The following EFCAB6 variants were observed in gnomAD, a reference collection of about 807,000 sequenced individuals.
EFCAB6 encodes the protein EF-hand calcium binding domain 6, also known as EF-hand calcium-binding domain-containing protein 6.
A neutral mutation model predicts 169.8 loss-of-function variants in EFCAB6; 156 were observed. The observed-to-expected ratio is 0.92, with a 90% confidence interval of 0.81 to 1.05. The LOEUF (loss-of-function observed/expected upper bound fraction) is 1.05, where lower values mean the gene tolerates loss of function less well. EFCAB6 is among the 50% of genes least tolerant of loss of function. The pLI is 0.00. For synonymous variants in EFCAB6, 698 were observed against 676.4 expected (o/e 1.03, Z -0.50); for missense variants, 1,800 against 1,829.1 (o/e 0.98, Z 0.29).
intron 20 of EFCAB6, among the ~76,000 whole-genome samples, chr22:43,620,358 A>G (rs2054035109): frequency 6.6e-6 from 1 of 152,058 alleles, no homozygotes; most frequent in African/African-American, 2.4e-5. Flanking sequence ...GAAGCCTGGG[A>G]AAAAAGGCAT....
In EFCAB6 at chr22:43,530,905, T is replaced by G. The variant is rs1006935458; in HGVS notation, c.4293A>C (p.Lys1431Asn). ...GCATTGGCCTCCAGCAGTGCACAAT[T>G]TTGGGCTGAATACGCAGCAGAGCAG... Reference protein sequence around the residue: ...FYSALLRIQPKIVHCWRPMRR... With the variant: ...FYSALLRIQPNIVHCWRPMRR... Residue 1431 changes from lysine (K) to asparagine (N), a missense_variant, in exon 31 of 32, where the codon AAA (lysine) becomes AAC (asparagine). Coordinates refer to ENST00000262726, the MANE Select transcript of EFCAB6 (RefSeq NM_022785.4). 1.2e-5 allele frequency: 19 copies of G among 1,614,078 alleles called. No homozygotes were observed. The highest frequency in any genetic ancestry group is 1.5e-5 in the Non-Finnish European group (18 of 1,180,050).
rs773067975 is a variant in EFCAB6 at position 43,600,056 on chromosome 22, C to T, written c.2876+13G>A. The stretch of plus-strand genomic sequence containing the variant: ...ACTTCTAGATGATGGCCCCGTGATC[C>T]TTCCTCACTCACCTGGCTGCCACAG... On this transcript the variant is annotated intron_variant, in intron 23 of 31. Coordinates refer to ENST00000262726, the MANE Select transcript of EFCAB6 (RefSeq NM_022785.4). 6.2e-7 allele frequency: 1 copy of T among 1,611,034 alleles called. No homozygotes were observed. Among genetic ancestry groups the T allele is most frequent in the Admixed American group, 1.7e-5 (1 of 59,656 alleles).
chr22:43,810,127 C>A (rs1457783079), intron 1 of EFCAB6, among the ~76,000 whole-genome samples: 1 of 152,144 alleles, frequency 6.6e-6, no homozygotes, highest in Non-Finnish European at 1.5e-5. Flanking sequence ...GATCCTCCTG[C>A]CTCAGCCTCC....
At chr22:43,789,551 G>A (rs2062199408) in intron 2 of EFCAB6, among the ~76,000 whole-genome samples, 3 of 152,184 alleles carry the variant, frequency 2.0e-5, no homozygotes, top group Admixed American at 1.3e-4. Context: ...CTTACCATCA[G>A]CCAGGCTCAC....
At position 43,540,376 on chromosome 22, in the gene EFCAB6, T is replaced by C; in HGVS notation, c.3649-19A>G. ...TGTCAAACTGGAGAAGGAGCAGAAG[T>C]CATTTCCCAGGTGTCAGTGCAAACA... On this transcript the variant is annotated intron_variant, in intron 27 of 31. Transcript: ENST00000262726. 1.2e-6 allele frequency: 2 copies of C among 1,613,522 alleles called. No homozygotes were observed.
chr22:43,738,282 A>G (rs1178884874), intron 6 of EFCAB6, among the ~76,000 whole-genome samples: 1 of 151,606 alleles, frequency 6.6e-6, no homozygotes, highest in Non-Finnish European at 1.5e-5. Context: ...ATATACACAC[A>G]CACCTGCATA....
intron 17 of EFCAB6, among the ~76,000 whole-genome samples, chr22:43,658,544 T>A (rs1004807944): frequency 6.6e-6 from 1 of 152,162 alleles, no homozygotes; most frequent in African/African-American, 2.4e-5. Flanking sequence ...ACTTTCGTGG[T>A]ACGCAGGGGA....
At chr22:43,576,207 T>A (rs915356369) in intron 26 of EFCAB6, 90 bp downstream of exon 26, 1 of 1,141,112 alleles carries the variant, frequency 8.8e-7, no homozygotes, top group East Asian at 2.7e-5. Flanking sequence ...TGCCAATTTA[T>A]CTGATATGGT....
intron 19 of EFCAB6, among the ~76,000 whole-genome samples, chr22:43,631,724 G>T (rs900225717): frequency 2.0e-5 from 3 of 152,104 alleles, no homozygotes; most frequent in Non-Finnish European, 4.4e-5. Flanking sequence ...ATTTAGCACA[G>T]ATTCTAGCAC....
chr22:43,794,687 A>G (rs2062433844), intron 2 of EFCAB6, among the ~76,000 whole-genome samples: 1 of 152,198 alleles, frequency 6.6e-6, no homozygotes, highest in South Asian at 2.1e-4. Flanking sequence ...AAAGCAAGCC[A>G]TCTACATACA....
intron 22 of EFCAB6, among the ~76,000 whole-genome samples, chr22:43,603,986 G>C (rs743796): frequency 0.23 from 34,234 of 152,032 alleles, 5,209 homozygotes; most frequent in East Asian, 0.62. Context: ...GTTCTCATGA[G>C]ATCTGAAGGT....
In EFCAB6 at chr22:43,687,453, T is replaced by TTG. The variant is rs1556074025; in HGVS notation, c.1142+17_1142+18insCA. On this transcript the variant is annotated intron_variant, in intron 11 of 31. Coordinates refer to ENST00000262726, the MANE Select transcript of EFCAB6 (RefSeq NM_022785.4). Reference sequence around the variant, plus strand: ...ATATGTGTAACTAAAATTTGTTTTTTTTTTTTTTTTTACATACCTATTTCT... The same window carrying TTG: ...ATATGTGTAACTAAAATTTGTTTTTTTGTTTTTTTTTTTACATACCTATTTCT... 10 of 1,375,240 alleles carry TTG rather than the reference T, an allele frequency of 7.3e-6. No individual in the cohort carries two copies. Among genetic ancestry groups the TTG allele is most frequent in the Non-Finnish European group, 9.9e-6 (10 of 1,010,754 alleles). 85.2% of individuals were successfully genotyped at this position (1,375,240 alleles called of 1,614,324 possible). A position where few individuals can be genotyped will look rare whatever the true frequency, so the allele number is the denominator to read the frequency against.
rs545216174 is a variant in EFCAB6 at position 43,783,244 on chromosome 22, C to T, written c.-7-919G>A. On this transcript the variant is annotated intron_variant, in intron 2 of 31. Coordinates refer to ENST00000262726, the MANE Select transcript of EFCAB6 (RefSeq NM_022785.4). Reference sequence around the variant, plus strand: ...CATGGCTACCTGAATAGGTGGATAACGGGGCAAATAATAGGCAACCAAAAA... The same window carrying T: ...CATGGCTACCTGAATAGGTGGATAATGGGGCAAATAATAGGCAACCAAAAA... Among the ~76,000 whole-genome samples, 118 of 152,200 alleles carry T rather than the reference C, an allele frequency of 7.8e-4. 2 individuals are homozygous for T. In the South Asian group the frequency reaches 0.023, roughly 29 times the overall value.
chr22:43,583,227 T>C (rs985638119), intron 24 of EFCAB6, among the ~76,000 whole-genome samples: 2 of 151,900 alleles, frequency 1.3e-5, no homozygotes, highest in African/African-American at 4.8e-5. Context: ...TCATACCATC[T>C]ATTCATCTTA....
chr22:43,626,343 C>G, intron 20 of EFCAB6, 104 bp downstream of exon 20: 1 of 1,113,610 alleles, frequency 9.0e-7, no homozygotes, highest in African/African-American at 1.6e-5. Flanking sequence ...AAAAAATAAT[C>G]ACTCCATTCT....
intron 11 of EFCAB6, 134 bp from the exon 12 acceptor site, chr22:43,683,989 T>A (rs2058097314): frequency 1.5e-6 from 1 of 653,324 alleles, no homozygotes; most frequent in Admixed American, 2.7e-5. Flanking sequence ...TTCCTGACAG[T>A]GTGCTGCACT....
At chr22:43,667,406 G>T in intron 16 of EFCAB6, 134 bp from the exon 17 acceptor site, 2 of 1,149,666 alleles carry the variant, frequency 1.7e-6, no homozygotes, top group Non-Finnish European at 2.5e-6. Flanking sequence ...GCTGGGAAGG[G>T]TGGAGTGACT....
chr22:43,730,267 C>T (rs60686881), intron 8 of EFCAB6, among the ~76,000 whole-genome samples: 1 of 3,198 alleles, frequency 3.1e-4, no homozygotes, highest in African/African-American at 1.2e-3. Context: ...GGAAAGGGAG[C>T]GAGGGAGGGA....
chr22:43,677,152 T>C (rs761619455), intron 13 of EFCAB6, among the ~76,000 whole-genome samples: 1 of 152,242 alleles, frequency 6.6e-6, no homozygotes, highest in Non-Finnish European at 1.5e-5. Flanking sequence ...ATTTTTTAAA[T>C]GCTAATAGCT....
Sources: allele counts gnomAD v4.1 joint callset (sites outside exome capture counted in the v4.1 genomes callset), GRCh38; gene constraint gnomAD v4.1.1; transcripts MANE v1.5; gene names NCBI Gene and HGNC (gene_info 2026-07-23, HGNC 2026-07-21).